Variants in ZDHHC7 observed in about 807,000 individuals in gnomAD.
ZDHHC7 encodes palmitoyltransferase ZDHHC7.
A neutral mutation model predicts 34.1 loss-of-function variants in ZDHHC7; 12 were observed. The ratio of observed to expected loss-of-function variants is 0.35; its 90% CI spans 0.23 to 0.57. The LOEUF (loss-of-function observed/expected upper bound fraction) is 0.57, where lower values mean the gene tolerates loss of function less well. ZDHHC7 is among the 20% of genes least tolerant of loss of function. The pLI, the probability that ZDHHC7 is intolerant of heterozygous loss-of-function variation, is 0.84. For missense variants in ZDHHC7, 388 were observed against 402.7 expected (o/e 0.96, Z 0.31); for synonymous variants, 185 against 155.4 (o/e 1.19, Z -1.42).
chr16:85,027,154 A>C, the ZDHHC7 span, among the ~76,000 whole-genome samples: 10 of 152,242 alleles, frequency 6.6e-5, no homozygotes, highest in African/African-American at 2.4e-4. Flanking sequence ...CCAGTCTCAA[A>C]GATGCCCCGT....
Position 84,977,230 on chromosome 16 carries a change from G to A in ZDHHC7, c.620-5C>T, listed in dbSNP as rs367935695. 2.6e-5 allele frequency: 42 copies of A among 1,613,870 alleles called. No individual in the cohort carries two copies. The highest frequency in any genetic ancestry group is 2.1e-4 in the African/African-American group (16 of 74,916). ...GAGGTGAAAAATCACTGCATTCTGC[G>A]GACAAGAGGAAGTTGGTTATAACTG... is the stretch of plus-strand genomic sequence containing the variant. On this transcript the variant is annotated splice_polypyrimidine_tract_variant and splice_region_variant and intron_variant, in intron 6 of 7. Transcript: ENST00000313732.
At chr16:85,001,470 C>CAAAAAAACAAAAAAAAAAA (rs2072651920) in intron 1 of ZDHHC7, among the ~76,000 whole-genome samples, 1 of 95,392 alleles carries the variant, frequency 1.0e-5, no homozygotes, top group Non-Finnish European at 1.9e-5. Context: ...GACCCTGTCT[C>CAAAAAAACAAAAAAAAAAA]AAAAAAAAAA....
At chr16:85,025,335 C>G in the ZDHHC7 span, among the ~76,000 whole-genome samples, 1 of 151,916 alleles carries the variant, frequency 6.6e-6, no homozygotes, top group African/African-American at 2.4e-5. Context: ...GTGGGAGAGA[C>G]CAAGTTCTGA....
At chr16:84,981,388 C>T (rs1466369657) in intron 4 of ZDHHC7, among the ~76,000 whole-genome samples, 2 of 152,224 alleles carry the variant, frequency 1.3e-5, no homozygotes, top group Non-Finnish European at 1.5e-5. Flanking sequence ...AAGAACCTTG[C>T]TTCTACGCTG....
At chr16:85,001,538 C>T (rs1232784860) in intron 1 of ZDHHC7, among the ~76,000 whole-genome samples, 1 of 151,268 alleles carries the variant, frequency 6.6e-6, no homozygotes, top group Admixed American at 6.6e-5. Context: ...TGGAAGTTTC[C>T]AGGTAAGCAA....
At chr16:85,024,409 C>G in the ZDHHC7 span, among the ~76,000 whole-genome samples, 5 of 147,068 alleles carry the variant, frequency 3.4e-5, no homozygotes, top group East Asian at 2.0e-4. Flanking sequence ...TGTTTTGTAT[C>G]TTTAGTAGAG....
In ZDHHC7 at chr16:84,976,289, C is replaced by T; in HGVS notation, c.*54G>A. On this transcript the variant is annotated 3_prime_UTR_variant, in exon 8 of 8. Transcript: ENST00000313732. ...GATGAGCTGTTGATATCCTTCAGAC[C>T]CCAAATAAATAACTGGAAGTCTGTG... The T allele has an allele frequency of 6.2e-7, 1 of 1,604,328 alleles. No homozygotes were observed. Among genetic ancestry groups the T allele is most frequent in the African/African-American group, 1.4e-5 (1 of 73,906 alleles).
At chr16:85,012,093 A>G (rs147617424), upstream of ZDHHC7, among the ~76,000 whole-genome samples, 7 of 152,260 alleles carry the variant, frequency 4.6e-5, no homozygotes, top group East Asian at 1.3e-3. Flanking sequence ...AGGAACATGT[A>G]TTTTAAGGCC....
the ZDHHC7 span, among the ~76,000 whole-genome samples, chr16:85,023,917 A>C: frequency 1.3e-5 from 2 of 150,930 alleles, no homozygotes; most frequent in Admixed American, 6.6e-5. Context: ...CACCCAACCT[A>C]TTCAAAGTAT....
intron 1 of ZDHHC7, among the ~76,000 whole-genome samples, chr16:84,996,697 C>G (rs8051663): frequency 0.63 from 96,013 of 151,986 alleles, 32,597 homozygotes; most frequent in African/African-American, 0.88. Flanking sequence ...GCCACGGACA[C>G]AGAGGTTCCA....
chr16:85,008,035 G>A (rs1297999811), intron 1 of ZDHHC7, among the ~76,000 whole-genome samples: 2 of 151,954 alleles, frequency 1.3e-5, no homozygotes, highest in Non-Finnish European at 1.5e-5. Context: ...GAAACCACTT[G>A]AGCCCAGGAG....
At chr16:84,977,843 C>G (rs2072317934) in intron 6 of ZDHHC7, 81 bp downstream of exon 6, 2 of 1,136,610 alleles carry the variant, frequency 1.8e-6, no homozygotes, top group African/African-American at 3.2e-5. Flanking sequence ...AATTGGAAAA[C>G]TGGTTCTTCC....
chr16:84,992,505 G>T (rs945457987), intron 2 of ZDHHC7, among the ~76,000 whole-genome samples: 23 of 152,164 alleles, frequency 1.5e-4, no homozygotes, highest in African/African-American at 5.5e-4. Context: ...ACTTTTCCTG[G>T]TAACTGTTTT....
upstream of ZDHHC7, among the ~76,000 whole-genome samples, chr16:85,012,380 C>CA (rs34555910): frequency 0.63 from 72,970 of 116,276 alleles, 22,525 homozygotes; most frequent in African/African-American, 0.83. Flanking sequence ...TGAACAGTCT[C>CA]AAAAAAAAAA....
Position 84,990,603 on chromosome 16 carries a change from G to C in ZDHHC7, c.16C>G (p.His6Asp). The C allele has an allele frequency of 6.2e-7, 1 of 1,613,666 alleles. No homozygotes were observed. Among genetic ancestry groups the C allele is most frequent in the Non-Finnish European group, 8.5e-7 (1 of 1,179,848 alleles). Residue 6 changes from histidine to aspartate, a missense_variant, in exon 3 of 8, where the codon CAC becomes GAC. By Grantham distance (81) the His-to-Asp change is moderately conservative. Transcript: ENST00000313732. ...TGATGCTCGACGTCCCGGAGCCTGT[G>C]TCCTGATGGCTGCATGATTTCCCTG... MQPSG[H>D]RLRDVEHHPL... is the part of the protein sequence containing the mutation.
At chr16:85,003,475 G>A (rs2072678504) in intron 1 of ZDHHC7, among the ~76,000 whole-genome samples, 1 of 152,200 alleles carries the variant, frequency 6.6e-6, no homozygotes, top group South Asian at 2.1e-4. Context: ...AAGTGCTCTT[G>A]CCATCAACTG....
chr16:85,026,774 G>C, the ZDHHC7 span, among the ~76,000 whole-genome samples: 7 of 151,848 alleles, frequency 4.6e-5, no homozygotes, highest in Non-Finnish European at 8.8e-5. Context: ...CATTTCTTTA[G>C]AGACAGAGCT....
At chr16:85,007,231 C>A (rs570695155) in intron 1 of ZDHHC7, among the ~76,000 whole-genome samples, 2 of 151,676 alleles carry the variant, frequency 1.3e-5, no homozygotes, top group African/African-American at 2.4e-5. Context: ...CAAGATCAGC[C>A]TGGCCAACAT....
In ZDHHC7 at chr16:84,976,303, T is replaced by G; in HGVS notation, c.*40A>C. Reference sequence around the variant, plus strand: ...ATCCTTCAGACCCCAAATAAATAACTGGAAGTCTGTGAGCAAGTTTCAGTC... The same window carrying G: ...ATCCTTCAGACCCCAAATAAATAACGGGAAGTCTGTGAGCAAGTTTCAGTC... On this transcript the variant is annotated 3_prime_UTR_variant, in exon 8 of 8. Transcript: ENST00000313732. 2 of 1,607,980 alleles carry G rather than the reference T, an allele frequency of 1.2e-6. No individual in the cohort carries two copies. Among genetic ancestry groups the G allele is most frequent in the South Asian group, 2.2e-5 (2 of 90,438 alleles).
Sources: gnomAD v4.1 joint callset for allele counts (sites outside exome capture counted in the v4.1 genomes callset) on GRCh38, gnomAD v4.1.1 for gene constraint, MANE v1.5 for transcripts, NCBI Gene and HGNC (gene_info 2026-07-23, HGNC 2026-07-21) for gene names.